FAM184B: variants seen among roughly 807,000 people sequenced by gnomAD.
FAM184B encodes the protein protein FAM184B.
A neutral mutation model predicts 135.9 loss-of-function variants in FAM184B; 111 were observed. That is an observed-to-expected ratio of 0.82 (90% CI 0.70 to 0.96). The LOEUF is 0.96. FAM184B is among the 40% of genes least tolerant of loss of function. FAM184B has a pLI of 0.00. For synonymous variants in FAM184B, 552 were observed against 524.8 expected, an observed-to-expected ratio of 1.05 and a Z score of -0.71; for missense variants, 1,375 against 1,323.9, an observed-to-expected ratio of 1.04 and a Z score of -0.60.
At chr4:17,725,475 T>A (rs1270908704) in intron 1 of FAM184B, among the ~76,000 whole-genome samples, 2 of 152,240 alleles carry the variant, frequency 1.3e-5, no homozygotes, top group Non-Finnish European at 2.9e-5. Flanking sequence ...ACACATCTAG[T>A]AGCACCAAAT....
chr4:17,770,451 TGTTGTTG>T (rs2108997265), intron 1 of FAM184B, among the ~76,000 whole-genome samples: 1 of 148,470 alleles, frequency 6.7e-6, no homozygotes, highest in African/African-American at 2.4e-5. Flanking sequence ...TTGTTGTTGT[TGTTGTTG>T]TTGTTGTTGT....
Position 17,670,843 on chromosome 4 carries a change from T to G in FAM184B, c.1597-6184A>C, listed in dbSNP as rs538716006. Among the ~76,000 whole-genome samples the G allele has an allele frequency of 2.0e-5, 3 of 152,314 alleles. No individual in the cohort carries two copies. In the South Asian group the frequency reaches 6.2e-4, roughly 32 times the overall value. ...TGACTCCCATCCACGTAATTCCATA[T>G]CACTGCACTGACACTCAGCTGTGCT... is the stretch of plus-strand genomic sequence containing the variant. On this transcript the variant is annotated intron_variant, in intron 7 of 17. Transcript: ENST00000265018.
rs568396926 is a variant in FAM184B at position 17,714,117 on chromosome 4, G to C, written c.142-4473C>G. Among the ~76,000 whole-genome samples, 10 of 152,294 alleles carry C rather than the reference G, an allele frequency of 6.6e-5. No individual in the cohort carries two copies. The East Asian group carries it at 1.9e-3, about 29-fold the overall frequency. On this transcript the variant is annotated intron_variant, in intron 1 of 17. Transcript: ENST00000265018. Reference sequence around the variant, plus strand: ...GCTGCTCGACAGCACTTGGTATACAGTTGAGTATACAGTAGGTTCACAGTA... The same window carrying C: ...GCTGCTCGACAGCACTTGGTATACACTTGAGTATACAGTAGGTTCACAGTA...
chr4:17,728,538 G>GTCTC (rs1560187322), intron 1 of FAM184B, among the ~76,000 whole-genome samples: 1 of 152,134 alleles, frequency 6.6e-6, no homozygotes, highest in African/African-American at 2.4e-5. Flanking sequence ...TGCAGACTCC[G>GTCTC]TCTCTCGGGG....
rs550405569 is a variant in FAM184B, at chr4:17,664,494, G to C, written c.1694+68C>G. 5 of 1,217,446 alleles carry C rather than the reference G, an allele frequency of 4.1e-6. No homozygotes were observed. The African/African-American group carries it at 6.1e-5, about 15-fold the overall frequency. The allele number at this position is 1,217,446 out of a possible 1,614,324, so 75.4% of individuals were successfully genotyped here. ...ATACTTGAGGATAGAATGAATGAATGGATGAATCCTTCCACATCTGAGTCC... is the reference window on the plus strand; with the variant it reads ...ATACTTGAGGATAGAATGAATGAATCGATGAATCCTTCCACATCTGAGTCC... On this transcript the variant is annotated intron_variant, in intron 8 of 17. Coordinates refer to ENST00000265018, the MANE Select transcript of FAM184B (RefSeq NM_015688.2).
At chr4:17,632,651 T>A (rs1204914027) in intron 17 of FAM184B, 26 bp from the exon 18 acceptor site, 6 of 1,477,342 alleles carry the variant, frequency 4.1e-6, no homozygotes, top group Non-Finnish European at 5.5e-6. Flanking sequence ...GGTTTTTTTA[T>A]ATGGTTTTGA....
At chr4:17,634,969 G>C (rs1260365430) in intron 16 of FAM184B, 40 bp downstream of exon 16, 1 of 1,405,120 alleles carries the variant, frequency 7.1e-7, no homozygotes, top group Admixed American at 2.0e-5. Context: ...CGAAACCAAT[G>C]GAATTGTATA....
rs1158161611 is a variant in FAM184B at position 17,632,629 on chromosome 4, A to G, written c.3090-4T>C. ...GGCCGTTTCACCATCTGGGGTCCTA[A>G]AAGCAAAAAAAGGTTTTTTTATATG... On this transcript the variant is annotated splice_region_variant and splice_polypyrimidine_tract_variant and intron_variant, in intron 17 of 17. Transcript: ENST00000265018. 2.0e-6 allele frequency: 3 copies of G among 1,493,254 alleles called. No individual in the cohort carries two copies. Among genetic ancestry groups the G allele is most frequent in the African/African-American group, 1.4e-5 (1 of 69,534 alleles). 92.5% of individuals were successfully genotyped at this position (1,493,254 alleles called of 1,614,324 possible).
chr4:17,660,802 C>T (rs1715900612), intron 8 of FAM184B, among the ~76,000 whole-genome samples: 1 of 152,018 alleles, frequency 6.6e-6, no homozygotes, highest in Non-Finnish European at 1.5e-5. Flanking sequence ...AAGGATGCCA[C>T]ATGGTGGGGT....
intron 1 of FAM184B, among the ~76,000 whole-genome samples, chr4:17,749,516 A>G (rs1275925596): frequency 1.3e-5 from 2 of 152,222 alleles, no homozygotes; most frequent in East Asian, 3.8e-4. Context: ...AAAACTATCA[A>G]TGGAAACAGA....
At chr4:17,659,611 C>T (rs998140179) in intron 9 of FAM184B, among the ~76,000 whole-genome samples, 7 of 152,048 alleles carry the variant, frequency 4.6e-5, no homozygotes, top group East Asian at 3.9e-4. Flanking sequence ...CTCAGCCTCC[C>T]GAGTAGCTGG....
At chr4:17,634,303 G>A (rs1354947210) in intron 16 of FAM184B, among the ~76,000 whole-genome samples, 2 of 152,166 alleles carry the variant, frequency 1.3e-5, no homozygotes, top group Non-Finnish European at 2.9e-5. Context: ...CAAGTGTATT[G>A]TCCTGTGAAC....
chr4:17,733,354 C>T (rs904134186), intron 1 of FAM184B, among the ~76,000 whole-genome samples: 19 of 149,910 alleles, frequency 1.3e-4, no homozygotes, highest in African/African-American at 4.6e-4. Context: ...AGGCAGGAGA[C>T]AGAAAGGGTA....
At position 17,742,593 on chromosome 4, in the gene FAM184B, G is replaced by GGCAGCTGAGCATTGAGGATACAA. The variant is rs573825648; in HGVS notation, c.142-32950_142-32949insTTGTATCCTCAATGCTCAGCTGC. 2.0e-4 allele frequency among the ~76,000 whole-genome samples: 30 copies of GGCAGCTGAGCATTGAGGATACAA among 152,248 alleles called. No homozygotes were observed. In the South Asian group the frequency reaches 6.2e-3, roughly 32 times the overall value. Reference sequence around the variant, plus strand: ...AGATTTCAGCTGATAGAGCAACACAGGCAGCTGAGCATTGAGGTTACAAGC... The same window carrying GGCAGCTGAGCATTGAGGATACAA: ...AGATTTCAGCTGATAGAGCAACACAGGCAGCTGAGCATTGAGGATACAAGCAGCTGAGCATTGAGGTTACAAGC... On this transcript the variant is annotated intron_variant, in intron 1 of 17. Coordinates refer to ENST00000265018, the MANE Select transcript of FAM184B (RefSeq NM_015688.2).
intron 16 of FAM184B, 70 bp downstream of exon 16, chr4:17,634,939 G>A (rs76288358): frequency 0.017 from 18,301 of 1,086,706 alleles, 168 homozygotes; most frequent in Non-Finnish European, 0.02. Flanking sequence ...TAAATAACCT[G>A]TGGTTACCTT....
chr4:17,706,541 C>T (rs1018012294), intron 3 of FAM184B, among the ~76,000 whole-genome samples: 4 of 152,158 alleles, frequency 2.6e-5, no homozygotes, highest in African/African-American at 9.7e-5. Flanking sequence ...TGTTGAGGGC[C>T]CTAGGGGAAG....
chr4:17,720,883 T>TAAA (rs59409749), intron 1 of FAM184B, among the ~76,000 whole-genome samples: 7 of 100,226 alleles, frequency 7.0e-5, no homozygotes, highest in African/African-American at 7.6e-5. Flanking sequence ...AGACTTCATC[T>TAAA]AAAAAAAAAA....
At chr4:17,697,240 G>C (rs1404931555) in intron 5 of FAM184B, among the ~76,000 whole-genome samples, 2 of 152,102 alleles carry the variant, frequency 1.3e-5, no homozygotes, top group Non-Finnish European at 2.9e-5. Flanking sequence ...GGGTGAGAAA[G>C]GGATCATGTT....
In FAM184B at chr4:17,690,157, A is replaced by T. The variant is rs143036944; in HGVS notation, c.1489-1626T>A. ...AACGAGACTCCGTCTCAAAAAAAAA[A>T]AAAAAAGAATTTACAACAATAAACT... On this transcript the variant is annotated intron_variant, in intron 6 of 17. Coordinates refer to ENST00000265018, the MANE Select transcript of FAM184B (RefSeq NM_015688.2). 3.7e-3 allele frequency among the ~76,000 whole-genome samples: 571 copies of T among 152,310 alleles called. 9 individuals are homozygous for T. The highest frequency in any genetic ancestry group is 0.013 in the African/African-American group (532 of 41,574).
Sources: gnomAD v4.1 joint callset for allele counts (sites outside exome capture counted in the v4.1 genomes callset) on GRCh38, gnomAD v4.1.1 for gene constraint, MANE v1.5 for transcripts, NCBI Gene and HGNC (gene_info 2026-07-23, HGNC 2026-07-21) for gene names.